BCL2L1: variants seen among roughly 807,000 people sequenced by gnomAD.
BCL2L1 encodes BCL2 like 1.
BCL2L1 carries 1 observed loss-of-function variant against 18.7 expected under a neutral mutation model. The observed-to-expected ratio is 0.05, with a 90% CI of 0.02 to 0.25. BCL2L1 has a LOEUF of 0.25. BCL2L1 is among the 10% of genes least tolerant of loss of function. The pLI is 1.00. For missense variants in BCL2L1, 207 were observed against 304.9 expected, an observed-to-expected ratio of 0.68 and a Z score of 2.39; for synonymous variants, 103 against 122.7, an observed-to-expected ratio of 0.84 and a Z score of 1.06.
chr20:31,704,998 A>C (rs1190475951), intron 2 of BCL2L1, among the ~76,000 whole-genome samples: 1 of 152,216 alleles, frequency 6.6e-6, no homozygotes, highest in Non-Finnish European at 1.5e-5. Context: ...CAGTGGATAG[A>C]CCAAAAACTA....
At chr20:31,670,200 C>A (rs1211752826) in intron 2 of BCL2L1, among the ~76,000 whole-genome samples, 3 of 152,210 alleles carry the variant, frequency 2.0e-5, no homozygotes, top group Non-Finnish European at 4.4e-5. Context: ...TCTCCCTCTC[C>A]ATCCTAGCTA....
intron 2 of BCL2L1, among the ~76,000 whole-genome samples, chr20:31,708,703 G>A (rs932831812): frequency 1.2e-4 from 19 of 152,194 alleles, no homozygotes; most frequent in African/African-American, 4.6e-4. Flanking sequence ...TTGGGCAGGA[G>A]GTACCTGATT....
In BCL2L1 at chr20:31,719,860, G is replaced by C. The variant is rs375286269; in HGVS notation, c.564+1795C>G. Among the ~76,000 whole-genome samples, 4 of 152,310 alleles carry C rather than the reference G, an allele frequency of 2.6e-5. No individual in the cohort carries two copies. In the East Asian group the frequency reaches 7.7e-4, roughly 29 times the overall value. On this transcript the variant is annotated intron_variant, in intron 2 of 2. Transcript: ENST00000307677. Reference sequence around the variant, plus strand: ...TTAGGACCACTGGCCAAAGACAATAGTCAGGCAAAGTGGGCAAGCAGCCTC... The same window carrying C: ...TTAGGACCACTGGCCAAAGACAATACTCAGGCAAAGTGGGCAAGCAGCCTC...
chr20:31,681,840 G>T (rs1384909517), intron 2 of BCL2L1, among the ~76,000 whole-genome samples: 1 of 152,206 alleles, frequency 6.6e-6, no homozygotes, highest in African/African-American at 2.4e-5. Context: ...TATTTCTGCT[G>T]CTCTCATGGA....
At chr20:31,721,251 T>C (rs981036339) in intron 2 of BCL2L1, among the ~76,000 whole-genome samples, 5 of 152,196 alleles carry the variant, frequency 3.3e-5, no homozygotes, top group South Asian at 2.1e-4. Context: ...CTGTGGGTCA[T>C]TGATGCTCAT....
chr20:31,693,805 G>T (rs1385646275), intron 2 of BCL2L1, among the ~76,000 whole-genome samples: 2 of 152,142 alleles, frequency 1.3e-5, no homozygotes, highest in Non-Finnish European at 2.9e-5. Flanking sequence ...CAAGTGCTGG[G>T]ATTACAGGCA....
intron 2 of BCL2L1, among the ~76,000 whole-genome samples, chr20:31,709,273 C>A: frequency 6.6e-6 from 1 of 152,170 alleles, no homozygotes; most frequent in East Asian, 1.9e-4. Context: ...ACATACTCCA[C>A]CCTCCAGTTC....
At chr20:31,691,373 GTGTGGTAGTGCATGCC>G (rs2061071472) in intron 2 of BCL2L1, among the ~76,000 whole-genome samples, 1 of 150,476 alleles carries the variant, frequency 6.6e-6, no homozygotes, top group Non-Finnish European at 1.5e-5. Flanking sequence ...AATTAGCTGG[GTGTGGTAGTGCATGCC>G]TGTAATTCCA....
At chr20:31,696,889 C>G (rs1424782311) in intron 2 of BCL2L1, among the ~76,000 whole-genome samples, 2 of 151,992 alleles carry the variant, frequency 1.3e-5, no homozygotes, top group Non-Finnish European at 2.9e-5. Flanking sequence ...AACTCTGTCT[C>G]TACCAAAAAT....
rs1032347293 is a variant in BCL2L1 at position 31,720,157 on chromosome 20, T to C, written c.564+1498A>G. ...CCCCAGTTATCTGACCTCTATTGAC[T>C]TGACCCCCTTGCCTTTTACAAGAGC... is the stretch of plus-strand genomic sequence containing the variant. On this transcript the variant is annotated intron_variant, in intron 2 of 2. Transcript: ENST00000307677. 7.1e-6 allele frequency: 7 copies of C among 985,292 alleles called. No individual in the cohort carries two copies. The East Asian group carries it at 3.4e-4, about 48-fold the overall frequency. The allele number at this position is 985,292 out of a possible 1,614,324, so 61.0% of individuals were successfully genotyped here.
At chr20:31,709,751 C>T (rs186587147) in intron 2 of BCL2L1, among the ~76,000 whole-genome samples, 583 of 146,730 alleles carry the variant, frequency 4.0e-3, no homozygotes, top group Middle Eastern at 0.025. Flanking sequence ...AGGAGAATGG[C>T]GTCAACCTGG....
At chr20:31,684,261 T>C (rs902545489) in intron 2 of BCL2L1, among the ~76,000 whole-genome samples, 31 of 152,114 alleles carry the variant, frequency 2.0e-4, no homozygotes, top group Non-Finnish European at 4.3e-4. Context: ...TAGCAAGGCA[T>C]AGAGCTAGCA....
intron 2 of BCL2L1, among the ~76,000 whole-genome samples, chr20:31,669,450 A>C (rs1600748919): frequency 1.4e-5 from 2 of 141,998 alleles, no homozygotes; most frequent in South Asian, 2.1e-4. Context: ...CTTCCATACT[A>C]GATGTGTCTT....
At chr20:31,683,218 C>G (rs1226868346) in intron 2 of BCL2L1, among the ~76,000 whole-genome samples, 2 of 152,214 alleles carry the variant, frequency 1.3e-5, no homozygotes, top group African/African-American at 4.8e-5. Context: ...TCTAGCCACA[C>G]TGATCTCCCG....
intron 2 of BCL2L1, among the ~76,000 whole-genome samples, chr20:31,694,972 C>G (rs2061143563): frequency 6.6e-6 from 1 of 152,160 alleles, no homozygotes; most frequent in South Asian, 2.1e-4. Flanking sequence ...CTCCACAGCC[C>G]TAGCAGGAAA....
chr20:31,666,258 A>G (rs980376640), intron 2 of BCL2L1, among the ~76,000 whole-genome samples, 172 bp from the exon 3 acceptor site: 2 of 152,152 alleles, frequency 1.3e-5, no homozygotes, highest in African/African-American at 2.4e-5. Context: ...TTGACCCTCC[A>G]TTGGTGATAA....
chr20:31,690,672 G>A (rs2061049042), intron 2 of BCL2L1, among the ~76,000 whole-genome samples: 1 of 151,786 alleles, frequency 6.6e-6, no homozygotes, highest in Admixed American at 6.6e-5. Flanking sequence ...CTGGGTTCAA[G>A]CAATTCTCAT....
In BCL2L1 at chr20:31,669,936, A is replaced by C. The variant is rs373442133; in HGVS notation, c.565-3850T>G. Among the ~76,000 whole-genome samples the C allele has an allele frequency of 2.5e-3, 374 of 152,344 alleles. 2 individuals are homozygous for C. Among genetic ancestry groups the C allele is most frequent in the African/African-American group, 8.5e-3 (353 of 41,572 alleles). Reference sequence around the variant, plus strand: ...GATGTAGATTTGAGCCACATTTCACAAATAAGATGCCTGATATTTAAAGCA... The same window carrying C: ...GATGTAGATTTGAGCCACATTTCACCAATAAGATGCCTGATATTTAAAGCA... On this transcript the variant is annotated intron_variant, in intron 2 of 2. Transcript: ENST00000307677.
intron 2 of BCL2L1, among the ~76,000 whole-genome samples, chr20:31,669,940 A>C (rs1353095901): frequency 6.6e-6 from 1 of 152,268 alleles, no homozygotes; most frequent in Non-Finnish European, 1.5e-5. Flanking sequence ...TTTCACAAAT[A>C]AGATGCCTGA....
Sources: allele counts gnomAD v4.1 joint callset (sites outside exome capture counted in the v4.1 genomes callset), GRCh38; gene constraint gnomAD v4.1.1; transcripts MANE v1.5; gene names NCBI Gene and HGNC (gene_info 2026-07-23, HGNC 2026-07-21).